Variants in ARHGAP44 observed in about 807,000 individuals in gnomAD.
ARHGAP44 encodes Rho GTPase activating protein 44.
In ARHGAP44, 43 loss-of-function variants were observed where a neutral mutation model predicts 106.8. The ratio of observed to expected loss-of-function variants is 0.40; its 90% CI spans 0.32 to 0.52. The LOEUF is 0.52. Ranked by LOEUF, ARHGAP44 falls within the 20% of genes least tolerant of loss-of-function variation. The probability of loss-of-function intolerance (pLI) is 0.48; values close to 1 mark genes in which losing one functional copy is unlikely to be tolerated. For synonymous variants in ARHGAP44, 439 were observed against 410.3 expected, an observed-to-expected ratio of 1.07 and a Z score of -0.85; for missense variants, 866 against 1,050.5, an observed-to-expected ratio of 0.82 and a Z score of 2.43.
chr17:12,819,884 T>C (rs1358375571), intron 1 of ARHGAP44, among the ~76,000 whole-genome samples: 1 of 152,160 alleles, frequency 6.6e-6, no homozygotes, highest in East Asian at 1.9e-4. Context: ...GTTTTCTTGA[T>C]GTCTTTATGA....
chr17:12,851,351 T>G (rs2150848148), intron 1 of ARHGAP44, among the ~76,000 whole-genome samples: 1 of 152,296 alleles, frequency 6.6e-6, no homozygotes, highest in Middle Eastern at 3.4e-3. Flanking sequence ...TATTTTTCAT[T>G]TACAGAGAAG....
intron 16 of ARHGAP44, among the ~76,000 whole-genome samples, chr17:12,966,546 A>G (rs2039396432): frequency 6.6e-6 from 1 of 152,214 alleles, no homozygotes; most frequent in African/African-American, 2.4e-5. Context: ...GCTAAGTCTT[A>G]GGAGCTTTGG....
In ARHGAP44 at chr17:12,949,168, C is replaced by A; in HGVS notation, c.890C>A (p.Ser297Tyr). 6.3e-7 allele frequency: 1 copy of A among 1,579,782 alleles called. No individual in the cohort carries two copies. The highest frequency in any genetic ancestry group is 8.6e-7 in the Non-Finnish European group (1 of 1,163,048). Residue 297 changes from serine to tyrosine, a missense_variant, in exon 11 of 21, where the codon TCC (serine) becomes TAC (tyrosine). Ser to Tyr is a moderately radical substitution (Grantham distance 144). Around this residue, in one of 2 missense-constraint regions of ARHGAP44, gnomAD observed 448 missense variants for 646.9 expected, o/e 0.69. Transcript: ENST00000379672. This position sits in a 1 kb window ranked among gnomAD's most constrained non-coding sequence, Gnocchi z 4.1. ...EGLFRVAPSA[S>Y]KLKKLKAALD... is the part of the protein sequence containing the mutation. ...CTCTTCCGAGTAGCCCCCTCTGCCT[C>A]CAAACTGAAGAAGCTGAAAGCGGCC...
intron 1 of ARHGAP44, among the ~76,000 whole-genome samples, chr17:12,835,686 AAGTGTAC>A (rs2035217675): frequency 1.3e-5 from 2 of 152,214 alleles, no homozygotes; most frequent in African/African-American, 4.8e-5. Context: ...AACCATTTTT[AAGTGTAC>A]AGTTCAATCT....
At chr17:12,954,149 C>T (rs779156777) in intron 13 of ARHGAP44, among the ~76,000 whole-genome samples, 51 of 151,968 alleles carry the variant, frequency 3.4e-4, no homozygotes, top group African/African-American at 8.2e-4. Flanking sequence ...CCGCCCGCCT[C>T]GGCCTCCCAA....
intron 1 of ARHGAP44, among the ~76,000 whole-genome samples, chr17:12,866,529 A>G (rs927010999): frequency 2.0e-5 from 3 of 152,008 alleles, no homozygotes; most frequent in African/African-American, 4.8e-5. Context: ...AAAAAAATCT[A>G]CCCTCTTAAG....
chr17:12,892,071 T>G (rs1334406996), intron 1 of ARHGAP44, among the ~76,000 whole-genome samples: 1 of 152,248 alleles, frequency 6.6e-6, no homozygotes, highest in Non-Finnish European at 1.5e-5. Context: ...ATTGCAGGCG[T>G]GAGCCACTGT....
chr17:12,952,626 G>T (rs2039019571), intron 13 of ARHGAP44, 45 bp downstream of exon 13: 4 of 1,411,838 alleles, frequency 2.8e-6, no homozygotes, highest in Non-Finnish European at 2.9e-6. Context: ...TTGGGCTTAT[G>T]TAAGCCTCAG....
chr17:12,856,179 T>C (rs1188504573), intron 1 of ARHGAP44, among the ~76,000 whole-genome samples: 2 of 152,210 alleles, frequency 1.3e-5, no homozygotes, highest in African/African-American at 4.8e-5. Context: ...TAGATTTTTC[T>C]GTAGATGGTC....
At position 12,867,959 on chromosome 17, in the gene ARHGAP44, C is replaced by G. The variant is rs371483546; in HGVS notation, c.54-26981C>G. Reference sequence around the variant, plus strand: ...GCTCCATGATTACGTTATAATCAACCCTTATAACCACAAAGGTCCCAGAGC... The same window carrying G: ...GCTCCATGATTACGTTATAATCAACGCTTATAACCACAAAGGTCCCAGAGC... On this transcript the variant is annotated intron_variant, in intron 1 of 20. Coordinates refer to ENST00000379672, the MANE Select transcript of ARHGAP44 (RefSeq NM_014859.6). Among the ~76,000 whole-genome samples the G allele has an allele frequency of 2.6e-5, 4 of 152,102 alleles. No individual in the cohort carries two copies. The South Asian group carries it at 8.3e-4, about 32-fold the overall frequency.
chr17:12,834,798 A>G (rs1218547464), intron 1 of ARHGAP44, among the ~76,000 whole-genome samples: 1 of 152,208 alleles, frequency 6.6e-6, no homozygotes. Flanking sequence ...GAAAATTTGG[A>G]TAAACAACAC....
chr17:12,875,458 G>T (rs563009723), intron 1 of ARHGAP44, among the ~76,000 whole-genome samples: 1 of 152,082 alleles, frequency 6.6e-6, no homozygotes, highest in Admixed American at 6.6e-5. Context: ...GCCAGGTGTG[G>T]TGGTACGTGC....
At position 12,913,968 on chromosome 17, in the gene ARHGAP44, C is replaced by CAAAAAAA. The variant is rs58231055; in HGVS notation, c.276-1916_276-1910dup. Among the ~76,000 whole-genome samples, 303 of 63,010 alleles carry CAAAAAAA rather than the reference C, an allele frequency of 4.8e-3. 1 individual carries two copies. Among genetic ancestry groups the CAAAAAAA allele is most frequent in the East Asian group, 9.5e-3 (17 of 1,798 alleles). 41.3% of individuals were successfully genotyped at this position (63,010 alleles called of 152,430 possible). A position where few individuals can be genotyped will look rare whatever the true frequency, so the allele number is the denominator to read the frequency against. On this transcript the variant is annotated intron_variant, in intron 4 of 20. Transcript: ENST00000379672. Reference sequence around the variant, plus strand: ...TGGGTGATAGAGTGAGATTTTGTCTCAAAAAAAAAAAAAAAAAAAAAAGGC... The same window carrying CAAAAAAA: ...TGGGTGATAGAGTGAGATTTTGTCTCAAAAAAAAAAAAAAAAAAAAAAAAAAAAAGGC...
chr17:12,979,349 C>G (rs1004385505), intron 18 of ARHGAP44, among the ~76,000 whole-genome samples: 2 of 152,102 alleles, frequency 1.3e-5, no homozygotes, highest in African/African-American at 4.8e-5. Flanking sequence ...CTTTAGGAAA[C>G]CTGGTGACCT....
At chr17:12,799,855 C>G (rs985632166) in intron 1 of ARHGAP44, among the ~76,000 whole-genome samples, 1 of 152,146 alleles carries the variant, frequency 6.6e-6, no homozygotes, top group Admixed American at 6.5e-5. Context: ...TCTGGAACTC[C>G]TGACCTCAGG....
chr17:12,877,898 A>G (rs1036461813), intron 1 of ARHGAP44, among the ~76,000 whole-genome samples: 2 of 152,244 alleles, frequency 1.3e-5, no homozygotes, highest in African/African-American at 4.8e-5. Flanking sequence ...GCTTGACTCT[A>G]GTCCACATAA....
chr17:12,974,898 G>C (rs1464032409), intron 18 of ARHGAP44, among the ~76,000 whole-genome samples: 1 of 72,628 alleles, frequency 1.4e-5, no homozygotes, highest in African/African-American at 6.1e-5. Context: ...CGCCCAGGCT[G>C]GAGTGCAGAG....
chr17:12,899,601 G>A lies in ARHGAP44; in HGVS notation c.198+3090G>A, dbSNP rs564082254. 3.6e-5 allele frequency among the ~76,000 whole-genome samples: 5 copies of A among 140,738 alleles called. 1 individual carries two copies. The highest frequency in any genetic ancestry group is 1.3e-4 in the African/African-American group (5 of 39,398). The allele number at this position is 140,738 out of a possible 152,430, so 92.3% of individuals were successfully genotyped here. ...AAAGAAATAAAATGAAAAGGATCAG[G>A]TAAAGGGAAGGTGGGGTGGGAGGGA... On this transcript the variant is annotated intron_variant, in intron 3 of 20. Coordinates refer to ENST00000379672, the MANE Select transcript of ARHGAP44 (RefSeq NM_014859.6).
At chr17:12,796,500 C>T (rs765255263) in intron 1 of ARHGAP44, among the ~76,000 whole-genome samples, 2 of 152,192 alleles carry the variant, frequency 1.3e-5, no homozygotes, top group African/African-American at 2.4e-5. Context: ...TGTGCTCAAG[C>T]GATCCTCCAT....
Sources: gnomAD v4.1 joint callset for allele counts (sites outside exome capture counted in the v4.1 genomes callset) on GRCh38, gnomAD v4.1.1 for gene constraint, gnomAD v4.1.1 regional missense constraint, Gnocchi (gnomAD v3.1) non-coding constraint, MANE v1.5 for transcripts, NCBI Gene and HGNC (gene_info 2026-07-23, HGNC 2026-07-21) for gene names.